The following UGT1A10 variants were observed in gnomAD, a reference collection of about 807,000 sequenced individuals.
UGT1A10 encodes UDP glucuronosyltransferase family 1 member A10.
A neutral mutation model predicts 45.8 loss-of-function variants in UGT1A10; 49 were observed. The observed-to-expected ratio is 1.07, with a 90% confidence interval of 0.85 to 1.36. UGT1A10 has a LOEUF of 1.36. Among genes scored for constraint, UGT1A10 ranks in the 40% most tolerant of loss-of-function variants. The pLI is 0.00. For synonymous variants in UGT1A10, 284 were observed against 249.7 expected (o/e 1.14, Z -1.29); for missense variants, 745 against 668.6 (o/e 1.11, Z -1.26).
At chr2:233,713,794 C>A in intron 1 of UGT1A10, 1 of 1,614,030 alleles carries the variant, frequency 6.2e-7, no homozygotes, top group South Asian at 1.1e-5. Flanking sequence ...TACCCCAGGC[C>A]GATCATGCCC....
chr2:233,703,685 T>G (rs1041674498), intron 1 of UGT1A10, among the ~76,000 whole-genome samples: 1 of 152,164 alleles, frequency 6.6e-6, no homozygotes, highest in East Asian at 1.9e-4. Context: ...ATATTTTTTT[T>G]CCACCATTTA....
chr2:233,718,950 A>C, intron 1 of UGT1A10: 2 of 1,614,178 alleles, frequency 1.2e-6, no homozygotes, highest in South Asian at 2.2e-5. Flanking sequence ...CTGGCTCAGC[A>C]TGCGGGAGGC....
chr2:233,658,138 C>A lies in UGT1A10; in HGVS notation c.855+20761C>A, dbSNP rs528752990. On this transcript the variant is annotated intron_variant, in intron 1 of 4. Transcript: ENST00000344644. Reference sequence around the variant, plus strand: ...GGTTCAAATGATTCTTGTGCCTCAGCCTCCTGAGTAGCTGGGATTACAGGT... The same window carrying A: ...GGTTCAAATGATTCTTGTGCCTCAGACTCCTGAGTAGCTGGGATTACAGGT... Among the ~76,000 whole-genome samples, 45 of 151,904 alleles carry A rather than the reference C, an allele frequency of 3.0e-4. 1 individual carries two copies. In the East Asian group the frequency reaches 7.4e-3, roughly 25 times the overall value.
chr2:233,660,641 A>G (rs1403553670), intron 1 of UGT1A10, among the ~76,000 whole-genome samples: 1 of 152,190 alleles, frequency 6.6e-6, no homozygotes, highest in African/African-American at 2.4e-5. Flanking sequence ...TTAATCATAA[A>G]TTGGACTGTA....
At chr2:233,675,537 G>C (rs1000608785) in intron 1 of UGT1A10, among the ~76,000 whole-genome samples, 2 of 152,142 alleles carry the variant, frequency 1.3e-5, no homozygotes, top group Non-Finnish European at 2.9e-5. Context: ...CCCCCTTGCT[G>C]TAAGATTCTG....
At chr2:233,666,749 T>A (rs1193004519) in intron 1 of UGT1A10, among the ~76,000 whole-genome samples, 2 of 151,982 alleles carry the variant, frequency 1.3e-5, no homozygotes, top group Non-Finnish European at 2.9e-5. Flanking sequence ...GCTGCACCCA[T>A]TAACTCGTCA....
chr2:233,644,795 G>T (rs959303928), intron 1 of UGT1A10, among the ~76,000 whole-genome samples: 1 of 151,974 alleles, frequency 6.6e-6, no homozygotes, highest in Non-Finnish European at 1.5e-5. Context: ...TTTCTTCAGT[G>T]TCTCTGAGTT....
At chr2:233,766,319 A>G (rs1575819132) in intron 1 of UGT1A10, among the ~76,000 whole-genome samples, 1 of 151,982 alleles carries the variant, frequency 6.6e-6, no homozygotes, top group African/African-American at 2.4e-5. Flanking sequence ...GCCTCAGCCA[A>G]ACTCCGCGTT....
At chr2:233,687,609 G>T (rs1575438460) in intron 1 of UGT1A10, among the ~76,000 whole-genome samples, 2 of 143,038 alleles carry the variant, frequency 1.4e-5, no homozygotes, top group Non-Finnish European at 1.5e-5. Context: ...AAAAAAAAAG[G>T]AAAGAAAAAA....
intron 1 of UGT1A10, among the ~76,000 whole-genome samples, chr2:233,701,125 G>T (rs535015875): frequency 1.6e-4 from 24 of 152,142 alleles, no homozygotes; most frequent in Non-Finnish European, 4.4e-5. Context: ...ATCATTGAGG[G>T]ACATTTAGGT....
intron 1 of UGT1A10, among the ~76,000 whole-genome samples, chr2:233,731,827 A>G (rs1471240623): frequency 6.6e-6 from 1 of 152,154 alleles, no homozygotes; most frequent in Admixed American, 6.5e-5. Flanking sequence ...GTCAAATGGT[A>G]TTTCTAGTTC....
intron 1 of UGT1A10, among the ~76,000 whole-genome samples, chr2:233,644,526 A>G (rs967513793): frequency 3.9e-5 from 6 of 152,100 alleles, no homozygotes; most frequent in Middle Eastern, 3.2e-3. Context: ...ATACCACTGC[A>G]CTCCAGCCTA....
intron 1 of UGT1A10, among the ~76,000 whole-genome samples, chr2:233,732,779 AT>A (rs1417655336): frequency 8.9e-6 from 1 of 112,574 alleles, no homozygotes; most frequent in South Asian, 2.6e-4. Context: ...TTTGCTTAGG[AT>A]TGTCTTGGCA....
At chr2:233,692,127 A>G (rs2075080184) in intron 1 of UGT1A10, 1 of 152,198 alleles carries the variant, frequency 6.6e-6, no homozygotes, top group Admixed American at 6.5e-5. Context: ...AATCATGCCT[A>G]CTATGTATGG....
chr2:233,647,389 G>T (rs1306463979), intron 1 of UGT1A10, among the ~76,000 whole-genome samples: 2 of 152,202 alleles, frequency 1.3e-5, no homozygotes, highest in Non-Finnish European at 2.9e-5. Context: ...TTGTGGTAAT[G>T]TTGGTCTCAC....
At chr2:233,653,592 ATTTTG>A (rs1425763591) in intron 1 of UGT1A10, among the ~76,000 whole-genome samples, 1 of 151,988 alleles carries the variant, frequency 6.6e-6, no homozygotes, top group African/African-American at 2.4e-5. Context: ...GTCTTGAGAA[ATTTTG>A]TTTTGTTTTG....
chr2:233,702,566 T>C (rs2075693872), intron 1 of UGT1A10, among the ~76,000 whole-genome samples: 1 of 152,194 alleles, frequency 6.6e-6, no homozygotes, highest in Non-Finnish European at 1.5e-5. Flanking sequence ...ATTCAGTCTT[T>C]TAGCAGATTA....
chr2:233,673,757 A>T (rs2074264868), intron 1 of UGT1A10, among the ~76,000 whole-genome samples: 1 of 152,164 alleles, frequency 6.6e-6, no homozygotes, highest in Non-Finnish European at 1.5e-5. Flanking sequence ...ACTATGGGTA[A>T]TTAAGGTTTT....
chr2:233,720,665 C>T (rs2076879709), intron 1 of UGT1A10, among the ~76,000 whole-genome samples: 1 of 151,682 alleles, frequency 6.6e-6, no homozygotes, highest in South Asian at 2.1e-4. Flanking sequence ...AATTCACACA[C>T]CAATGAATTT....
Sources: allele counts gnomAD v4.1 joint callset (sites outside exome capture counted in the v4.1 genomes callset), GRCh38; gene constraint gnomAD v4.1.1; transcripts MANE v1.5; gene names NCBI Gene and HGNC (gene_info 2026-07-23, HGNC 2026-07-21).